BCL9: variants seen among roughly 807,000 people sequenced by gnomAD.
BCL9 encodes the protein B-cell CLL/lymphoma 9 protein.
A neutral mutation model predicts 88.5 loss-of-function variants in BCL9; 25 were observed. The ratio of observed to expected loss-of-function variants is 0.28; its 90% CI spans 0.21 to 0.39. The LOEUF is 0.39. Ranked by LOEUF, BCL9 falls within the 10% of genes least tolerant of loss-of-function variation. BCL9 has a pLI of 1.00. For missense variants in BCL9, 1,817 were observed against 1,877.8 expected (o/e 0.97, Z 0.60); for synonymous variants, 711 against 673.3 (o/e 1.06, Z -0.87).
At chr1:147,564,902 C>T (rs1553196512) in intron 1 of BCL9, among the ~76,000 whole-genome samples, 1 of 152,076 alleles carries the variant, frequency 6.6e-6, no homozygotes, top group Non-Finnish European at 1.5e-5. Flanking sequence ...CCGTATGTGG[C>T]CATTTAAATT....
chr1:147,588,158 G>T (rs1656700258), intron 1 of BCL9, among the ~76,000 whole-genome samples: 1 of 152,084 alleles, frequency 6.6e-6, no homozygotes, highest in Admixed American at 6.5e-5. Context: ...TTGATCTGTT[G>T]CCTGGATCCA....
chr1:147,587,572 C>G (rs1656671706), intron 1 of BCL9, among the ~76,000 whole-genome samples: 1 of 152,092 alleles, frequency 6.6e-6, no homozygotes. Context: ...GGTCAATAAA[C>G]GTTTGTTTAA....
At chr1:147,572,609 T>G (rs923503912) in intron 1 of BCL9, among the ~76,000 whole-genome samples, 1 of 152,230 alleles carries the variant, frequency 6.6e-6, no homozygotes, top group Non-Finnish European at 1.5e-5. Flanking sequence ...AGACAGAGTC[T>G]TGCTCTGTCA....
chr1:147,613,340 T>C, intron 5 of BCL9, 141 bp downstream of exon 5: 1 of 826,428 alleles, frequency 1.2e-6, no homozygotes, highest in Non-Finnish European at 1.9e-6. Context: ...TCACAGTTTA[T>C]GATGGAACTA....
At chr1:147,565,173 A>C (rs1655547217) in intron 1 of BCL9, among the ~76,000 whole-genome samples, 1 of 152,184 alleles carries the variant, frequency 6.6e-6, no homozygotes, top group Admixed American at 6.5e-5. Flanking sequence ...TGTACTTGCC[A>C]ATGACTACAT....
chr1:147,620,897 T>C lies in BCL9; in HGVS notation c.2742T>C (p.Ala914=). 6.2e-7 allele frequency: 1 copy of C among 1,614,180 alleles called. No individual in the cohort carries two copies. Among genetic ancestry groups the C allele is most frequent in the Middle Eastern group, 1.6e-4 (1 of 6,062 alleles). ...AGTCCCCCCCTGTTTTGGGGTCTGC[T>C]GCTGCTTCACCTGTCCACCTCAAGT... ...SIKSPPVLGS[A]AASPVHLKSP... Residue 914 remains alanine (A), a synonymous_variant, in exon 8 of 10, where the codon GCT becomes GCC. Coordinates refer to ENST00000234739, the MANE Select transcript of BCL9 (RefSeq NM_004326.4).
chr1:147,588,665 G>C (rs1656721907), intron 1 of BCL9, among the ~76,000 whole-genome samples: 1 of 152,266 alleles, frequency 6.6e-6, no homozygotes, highest in East Asian at 1.9e-4. Context: ...AGCAGTTGCA[G>C]AATTTACCTG....
intron 1 of BCL9, among the ~76,000 whole-genome samples, chr1:147,560,074 A>T (rs918476211): frequency 6.6e-5 from 10 of 152,208 alleles, no homozygotes; most frequent in Admixed American, 6.5e-5. Flanking sequence ...AAAAGAACAG[A>T]ACAGAAAAAG....
intron 1 of BCL9, among the ~76,000 whole-genome samples, chr1:147,561,255 A>G (rs1016759739): frequency 7.9e-5 from 12 of 152,218 alleles, no homozygotes; most frequent in Non-Finnish European, 1.5e-4. Context: ...ATGGTTTTAC[A>G]TTATTTCCCA....
At chr1:147,623,459 A>T (rs1553205806) in intron 9 of BCL9, among the ~76,000 whole-genome samples, 1 of 152,214 alleles carries the variant, frequency 6.6e-6, no homozygotes, top group Admixed American at 6.5e-5. Context: ...ATTCCTGATC[A>T]TTGGGATTGT....
At chr1:147,590,207 G>A (rs587749460) in intron 1 of BCL9, among the ~76,000 whole-genome samples, 8 of 152,222 alleles carry the variant, frequency 5.3e-5, no homozygotes, top group South Asian at 4.1e-4. Context: ...AGCACATCCT[G>A]CCTAGTGTCA....
intron 1 of BCL9, among the ~76,000 whole-genome samples, chr1:147,556,707 C>A (rs1201473668): frequency 6.6e-6 from 1 of 152,122 alleles, no homozygotes; most frequent in Non-Finnish European, 1.5e-5. Flanking sequence ...CCTTGGCCCC[C>A]AAAGTGCTGG....
chr1:147,623,655 A>G (rs2101626466), intron 9 of BCL9, among the ~76,000 whole-genome samples, 187 bp from the exon 10 acceptor site: 1 of 152,340 alleles, frequency 6.6e-6, no homozygotes, highest in East Asian at 1.9e-4. Flanking sequence ...ATTGTCCTGT[A>G]GAGCTCTTGG....
chr1:147,574,467 G>A (rs962569900), intron 1 of BCL9, among the ~76,000 whole-genome samples: 2 of 152,180 alleles, frequency 1.3e-5, no homozygotes, highest in African/African-American at 4.8e-5. Context: ...CCATGTCAGG[G>A]GAAGGTGTTT....
At chr1:147,571,566 G>T (rs1322219266) in intron 1 of BCL9, among the ~76,000 whole-genome samples, 1 of 152,160 alleles carries the variant, frequency 6.6e-6, no homozygotes, top group Non-Finnish European at 1.5e-5. Context: ...CCCAGGTTAT[G>T]TTGAAGTCCC....
intron 1 of BCL9, among the ~76,000 whole-genome samples, chr1:147,546,099 G>A (rs947690239): frequency 1.3e-5 from 2 of 152,130 alleles, no homozygotes; most frequent in Non-Finnish European, 2.9e-5. Context: ...CACTTTGGGA[G>A]GCCGAGGCGG....
intron 1 of BCL9, among the ~76,000 whole-genome samples, chr1:147,596,546 T>A (rs1221055909): frequency 6.7e-6 from 1 of 149,934 alleles, no homozygotes; most frequent in African/African-American, 2.5e-5. Context: ...CCCGGGTAGC[T>A]GGGACTACAG....
In BCL9 at chr1:147,619,903, C is replaced by T; in HGVS notation, c.1748C>T (p.Ser583Phe). 3 of 1,614,204 alleles carry T rather than the reference C, an allele frequency of 1.9e-6. No individual in the cohort carries two copies. The highest frequency in any genetic ancestry group is 1.1e-5 in the South Asian group (1 of 91,086). ...MEGPNVPNPA[S>F]RPGLSGVSWP... ...GGGCCGAATGTCCCCAACCCTGCAT[C>T]TAGACCAGGTCTTTCTGGAGTCAGT... Residue 583 changes from serine (S) to phenylalanine (F), a missense_variant, in exon 8 of 10, where the codon TCT (serine) becomes TTT (phenylalanine). This residue lies in a region of BCL9 where 1,228 missense variants were observed against 1,191.6 expected (regional missense o/e 1.03). Transcript: ENST00000234739. The surrounding 1 kb of genome is among the most constrained non-coding windows in gnomAD (Gnocchi z 4.1).
At chr1:147,618,735 T>A (rs1368755509) in intron 7 of BCL9, 81 bp from the exon 8 acceptor site, 1 of 1,316,576 alleles carries the variant, frequency 7.6e-7, no homozygotes, top group Non-Finnish European at 1.0e-6. Flanking sequence ...TGGGGACAAT[T>A]CCTTTATAAC....
Sources: allele counts gnomAD v4.1 joint callset (sites outside exome capture counted in the v4.1 genomes callset), GRCh38; gene constraint gnomAD v4.1.1; regional missense constraint gnomAD v4.1.1; non-coding constraint Gnocchi (gnomAD v3.1); transcripts MANE v1.5; gene names NCBI Gene and HGNC (gene_info 2026-07-23, HGNC 2026-07-21).